Variants in MTX2 observed in about 807,000 individuals in gnomAD.
MTX2 encodes metaxin-2.
In MTX2, 35 loss-of-function variants were observed where a neutral mutation model predicts 42.3. That is an observed-to-expected ratio of 0.83 (90% CI 0.63 to 1.10). The LOEUF is 1.10. Among genes scored for constraint, MTX2 ranks in the 50% least tolerant of loss-of-function variants. The pLI, the probability that MTX2 is intolerant of heterozygous loss-of-function variation, is 0.00. For synonymous variants in MTX2, 119 were observed against 100.9 expected, an observed-to-expected ratio of 1.18 and a Z score of -1.08; for missense variants, 307 against 304.1, an observed-to-expected ratio of 1.01 and a Z score of -0.07.
At position 176,337,798 on chromosome 2, in the gene MTX2, T is replaced by C. The variant is rs1685033258; in HGVS notation, c.*134T>C. On this transcript the variant is annotated 3_prime_UTR_variant, in exon 10 of 10. Coordinates refer to ENST00000249442, the MANE Select transcript of MTX2 (RefSeq NM_006554.5). ...CTCAAATTATATAATGTATCTTATGTATGTGCTTTATATTGTTATTTGTGT... is the reference window on the plus strand; with the variant it reads ...CTCAAATTATATAATGTATCTTATGCATGTGCTTTATATTGTTATTTGTGT... The C allele has an allele frequency of 2.8e-6, 2 of 708,948 alleles. No homozygotes were observed. Among genetic ancestry groups the C allele is most frequent in the Middle Eastern group, 3.2e-4 (1 of 3,160 alleles). 43.9% of individuals were successfully genotyped at this position (708,948 alleles called of 1,614,324 possible).
chr2:176,330,100 A>G (rs192131401), intron 8 of MTX2, among the ~76,000 whole-genome samples: 4 of 151,190 alleles, frequency 2.6e-5, no homozygotes, highest in African/African-American at 9.6e-5. Context: ...TAGGGATAGA[A>G]TAAATAAAAA....
At chr2:176,285,565 C>T (rs1481574061) in intron 1 of MTX2, among the ~76,000 whole-genome samples, 1 of 151,798 alleles carries the variant, frequency 6.6e-6, no homozygotes, top group Non-Finnish European at 1.5e-5. Context: ...CACTGGTCTA[C>T]TCTGTTTCTG....
At chr2:176,328,981 G>T in intron 7 of MTX2, 69 bp downstream of exon 7, 1 of 1,330,428 alleles carries the variant, frequency 7.5e-7, no homozygotes, top group Non-Finnish European at 1.1e-6. Flanking sequence ...AGAATCGCAA[G>T]TCCCTGCTCA....
chr2:176,328,507 A>T, intron 6 of MTX2, 122 bp downstream of exon 6: 1 of 615,702 alleles, frequency 1.6e-6, no homozygotes, highest in Non-Finnish European at 2.7e-6. Flanking sequence ...TCTAGAGTTG[A>T]GTTGGCTACC....
intron 9 of MTX2, among the ~76,000 whole-genome samples, chr2:176,334,519 A>T (rs1684941760): frequency 6.6e-6 from 1 of 151,726 alleles, no homozygotes; most frequent in African/African-American, 2.4e-5. Flanking sequence ...CATTCCTGTG[A>T]TGATAAGATT....
chr2:176,280,822 GA>G (rs1427219347), intron 1 of MTX2, among the ~76,000 whole-genome samples: 3 of 152,194 alleles, frequency 2.0e-5, no homozygotes, highest in African/African-American at 7.2e-5. Flanking sequence ...TTAACATCAA[GA>G]GAAAAGGGGA....
chr2:176,328,774 T>A (rs1017931013), intron 6 of MTX2, 100 bp from the exon 7 acceptor site: 1 of 1,108,708 alleles, frequency 9.0e-7, no homozygotes, highest in East Asian at 2.4e-5. Context: ...GTGTGACTTA[T>A]GAAATTAGCT....
chr2:176,331,229 T>G (rs941207226), intron 9 of MTX2, among the ~76,000 whole-genome samples: 5 of 151,096 alleles, frequency 3.3e-5, no homozygotes, highest in African/African-American at 7.3e-5. Context: ...ATTAATAGAT[T>G]TGCTTTTGCA....
intron 1 of MTX2, among the ~76,000 whole-genome samples, chr2:176,273,171 A>C (rs1435053425): frequency 6.6e-6 from 1 of 152,230 alleles, no homozygotes; most frequent in African/African-American, 2.4e-5. Flanking sequence ...GAATCCATTC[A>C]TGAGGGTGGA....
At chr2:176,302,388 CTATTT>C (rs1389186607) in intron 3 of MTX2, among the ~76,000 whole-genome samples, 1 of 152,024 alleles carries the variant, frequency 6.6e-6, no homozygotes, top group Non-Finnish European at 1.5e-5. Flanking sequence ...CAGAAAAAAA[CTATTT>C]TATTTCTGTT....
chr2:176,333,144 TTCTAATAAAAAG>T (rs746888040), intron 9 of MTX2, among the ~76,000 whole-genome samples: 9 of 151,658 alleles, frequency 5.9e-5, no homozygotes, highest in Non-Finnish European at 1.2e-4. Flanking sequence ...TGGAATATTT[TTCTAATAAAAAG>T]TCTATAAAGA....
chr2:176,312,281 T>C (rs1472020847), intron 3 of MTX2, among the ~76,000 whole-genome samples: 1 of 152,236 alleles, frequency 6.6e-6, no homozygotes, highest in Non-Finnish European at 1.5e-5. Flanking sequence ...TAGGAATATC[T>C]ATGGCTTGTT....
Position 176,326,883 on chromosome 2 carries a change from C to T in MTX2, c.267C>T (p.Val89=), listed in dbSNP as rs778968972. The T allele has an allele frequency of 5.8e-6, 9 of 1,560,590 alleles. No individual in the cohort carries two copies. Among genetic ancestry groups the T allele is most frequent in the South Asian group, 1.2e-5 (1 of 85,124 alleles). ...TAGTATCAGAACTTGGTCCAATAGT[C>T]CAATTTGTTAAAGCCAAGGTAATAA... is the stretch of plus-strand genomic sequence containing the variant. ...NQVVSELGPI[V]QFVKAKGHSL... The change falls in exon 5 of 10, where the codon GTC becomes GTT. Residue 89 remains valine (V), a synonymous_variant. Transcript: ENST00000249442.
intron 3 of MTX2, among the ~76,000 whole-genome samples, chr2:176,316,528 A>C (rs1461751170): frequency 1.3e-5 from 2 of 152,002 alleles, no homozygotes. Flanking sequence ...CAGCCTCCCA[A>C]GTAGCTGGGA....
intron 3 of MTX2, among the ~76,000 whole-genome samples, chr2:176,318,431 A>C (rs553117156): frequency 6.6e-6 from 1 of 152,166 alleles, no homozygotes; most frequent in Non-Finnish European, 1.5e-5. Context: ...ACATATACAT[A>C]TGTGTGCATT....
chr2:176,321,015 T>C (rs1684572319), intron 3 of MTX2, among the ~76,000 whole-genome samples: 2 of 152,156 alleles, frequency 1.3e-5, no homozygotes, highest in Non-Finnish European at 2.9e-5. Flanking sequence ...ATCTTGTATA[T>C]CAGTTATTTC....
intron 4 of MTX2, among the ~76,000 whole-genome samples, chr2:176,325,964 G>A (rs753673103): frequency 1.2e-4 from 18 of 146,458 alleles, no homozygotes; most frequent in Non-Finnish European, 2.0e-4. Context: ...CCAGGCTGAC[G>A]GAGCCAGAGA....
At chr2:176,297,283 C>A (rs1056622453) in intron 2 of MTX2, among the ~76,000 whole-genome samples, 4 of 152,154 alleles carry the variant, frequency 2.6e-5, no homozygotes, top group African/African-American at 9.7e-5. Flanking sequence ...GGTTCAGGCT[C>A]CCTTTAGCAG....
rs757445802 is a variant in MTX2, at chr2:176,269,618, C to T, written c.-12C>T. The T allele has an allele frequency of 1.9e-6, 3 of 1,584,354 alleles. No individual in the cohort carries two copies. Among genetic ancestry groups the T allele is most frequent in the African/African-American group, 2.7e-5 (2 of 74,194 alleles). On this transcript the variant is annotated 5_prime_UTR_variant, in exon 1 of 10. Transcript: ENST00000249442. ...GGGGGCAGGCACCCGGGCGCCGGGC[C>T]TCCCAGCCGACATGTCTCTAGTGGC... is the stretch of plus-strand genomic sequence containing the variant.
Sources: allele counts gnomAD v4.1 joint callset (sites outside exome capture counted in the v4.1 genomes callset), GRCh38; gene constraint gnomAD v4.1.1; transcripts MANE v1.5; gene names NCBI Gene and HGNC (gene_info 2026-07-23, HGNC 2026-07-21).